GAPDHS: variants seen among roughly 807,000 people sequenced by gnomAD.
The protein encoded by GAPDHS is glyceraldehyde-3-phosphate dehydrogenase, spermatogenic.
A neutral mutation model predicts 48.7 loss-of-function variants in GAPDHS; 42 were observed. The ratio of observed to expected loss-of-function variants is 0.86; its 90% CI spans 0.67 to 1.12. GAPDHS has a LOEUF of 1.12. GAPDHS is among the 50% of genes most tolerant of loss of function. The pLI is 0.00. For missense variants in GAPDHS, 512 were observed against 557.7 expected (o/e 0.92, Z 0.82); for synonymous variants, 166 against 219.1 (o/e 0.76, Z 2.14).
rs375182770 is a variant in GAPDHS, at chr19:35,538,323, C to G, written c.262C>G (p.Arg88Gly). Residue 88 changes from arginine to glycine, a missense_variant, in exon 3 of 11, where the codon CGC becomes GGC. Arg to Gly is a moderately radical substitution (Grantham distance 125). Transcript: ENST00000222286. ...VGINGFGRIG[R>G]LVLRACMEKG... ...CCTGGCCAGATTTGGACGCATCGGT[C>G]GCCTGGTCCTGCGCGCCTGCATGGA... 6.2e-7 allele frequency: 1 copy of G among 1,613,200 alleles called. No homozygotes were observed. The highest frequency in any genetic ancestry group is 1.7e-5 in the Admixed American group (1 of 59,980).
chr19:35,542,908 C>T, intron 6 of GAPDHS, 37 bp from the exon 7 acceptor site: 1 of 1,534,706 alleles, frequency 6.5e-7, no homozygotes, highest in Non-Finnish European at 9.0e-7. Context: ...CTCTGCGACT[C>T]ACCTCACAGT....
At chr19:35,534,318 GC>G (rs1224714832) in intron 1 of GAPDHS, among the ~76,000 whole-genome samples, 1 of 152,184 alleles carries the variant, frequency 6.6e-6, no homozygotes, top group Non-Finnish European at 1.5e-5. Context: ...GGTAGGTGGG[GC>G]TGGGGCTTTG....
At position 35,538,676 on chromosome 19, in the gene GAPDHS, T is replaced by G; in HGVS notation, c.442T>G (p.Tyr148Asp). ...CGTGGACAACCATGAGATCTCTGTC[T>G]ACCAGTGGTAAGGAAAGCATCTGTC... is the stretch of plus-strand genomic sequence containing the variant. ...LVVDNHEISV[Y>D]QCKEPKQIPW... Residue 148 changes from tyrosine (Y) to aspartate (D), a missense_variant, in exon 4 of 11, where the codon TAC becomes GAC. Coordinates refer to ENST00000222286, the MANE Select transcript of GAPDHS (RefSeq NM_014364.5). 1 of 1,561,510 alleles carries G rather than the reference T, an allele frequency of 6.4e-7. No individual in the cohort carries two copies. Among genetic ancestry groups the G allele is most frequent in the Admixed American group, 1.7e-5 (1 of 59,956 alleles).
intron 1 of GAPDHS, among the ~76,000 whole-genome samples, chr19:35,535,011 A>G (rs557474288): frequency 2.7e-4 from 41 of 152,096 alleles, no homozygotes; most frequent in South Asian, 2.3e-3. Context: ...ATCAGCTCCT[A>G]TGTGTGGGCC....
chr19:35,542,828 C>G (rs1239500142), intron 6 of GAPDHS, 117 bp from the exon 7 acceptor site: 28 of 821,904 alleles, frequency 3.4e-5, no homozygotes, highest in Non-Finnish European at 4.6e-5. Context: ...ATCCCTCTCA[C>G]CCTCATCCTG....
chr19:35,538,607 G>T lies in GAPDHS; in HGVS notation c.373G>T (p.Gly125Cys), dbSNP rs202137889. The T allele has an allele frequency of 1.2e-6, 2 of 1,611,490 alleles. No individual in the cohort carries two copies. The highest frequency in any genetic ancestry group is 1.7e-6 in the Non-Finnish European group (2 of 1,177,812). Residue 125 changes from glycine to cysteine, a missense_variant, in exon 4 of 11, where the codon GGC becomes TGC. Transcript: ENST00000222286. Reference protein sequence around the residue: ...VYMFKYDSTHGRYKGSVEFRN... With the variant: ...VYMFKYDSTHCRYKGSVEFRN... ...CATGTTTAAGTATGACTCCACCCAC[G>T]GCCGATACAAGGGAAGTGTGGAATT...
In GAPDHS at chr19:35,533,526, C is replaced by T. The variant is rs780527406; in HGVS notation, c.-2C>T. On this transcript the variant is annotated 5_prime_UTR_variant, in exon 1 of 11. Coordinates refer to ENST00000222286, the MANE Select transcript of GAPDHS (RefSeq NM_014364.5). ...AGGCCAATGATAACCTTATAAGAGG[C>T]CATGTCGAAGCGCGACATCGTCCTC... The T allele has an allele frequency of 1.2e-6, 2 of 1,613,112 alleles. No individual in the cohort carries two copies. The highest frequency in any genetic ancestry group is 1.3e-5 in the African/African-American group (1 of 75,056).
chr19:35,544,676 G>A, intron 9 of GAPDHS: 5 of 577,098 alleles, frequency 8.7e-6, no homozygotes, highest in Non-Finnish European at 1.6e-5. Context: ...GGGATGTACT[G>A]GTACAGCATG....
At chr19:35,535,421 T>G (rs1316775953) in intron 1 of GAPDHS, among the ~76,000 whole-genome samples, 2 of 152,136 alleles carry the variant, frequency 1.3e-5, no homozygotes, top group African/African-American at 4.8e-5. Flanking sequence ...GTTTCGCTCT[T>G]GTTGCCCAGG....
Position 35,545,052 on chromosome 19 carries a change from G to A in GAPDHS, c.1154+46G>A, listed in dbSNP as rs200477799. 2.0e-5 allele frequency: 32 copies of A among 1,602,662 alleles called. No individual in the cohort carries two copies. The East Asian group carries it at 6.7e-4, about 34-fold the overall frequency. On this transcript the variant is annotated intron_variant, in intron 10 of 10. Transcript: ENST00000222286. ...GACTTAGAGGGAGGGGAACTAAGGGGTGGTCGGAAGGAACCCCCTTGAACC... is the reference window on the plus strand; with the variant it reads ...GACTTAGAGGGAGGGGAACTAAGGGATGGTCGGAAGGAACCCCCTTGAACC...
chr19:35,537,008 C>T lies in GAPDHS; in HGVS notation c.245+18C>T, dbSNP rs1244289615. 2.5e-6 allele frequency: 4 copies of T among 1,605,108 alleles called. No individual in the cohort carries two copies. The Admixed American group carries it at 5.0e-5, about 20-fold the overall frequency. ...ATCAATGGGTGAGTCTACTCCAGCC[C>T]CTGATCAGTCTGAAGCCTTAGAGCC... On this transcript the variant is annotated intron_variant, in intron 2 of 10. Transcript: ENST00000222286.
Position 35,534,872 on chromosome 19 carries a change from C to T in GAPDHS, c.67+1278C>T, listed in dbSNP as rs137890567. On this transcript the variant is annotated intron_variant, in intron 1 of 10. Transcript: ENST00000222286. ...GGCCCCCGGCTCCCAGCCCCACCAC[C>T]CCCCAGGTGCCTTTGATTTGGTGCC... Among the ~76,000 whole-genome samples, 83 of 151,974 alleles carry T rather than the reference C, an allele frequency of 5.5e-4. No individual in the cohort carries two copies. The East Asian group carries it at 0.016, about 28-fold the overall frequency.
rs149945299 is a variant in GAPDHS at position 35,543,012 on chromosome 19, G to A, written c.727G>A (p.Val243Met). Residue 243 changes from valine to methionine, a missense_variant, in exon 7 of 11, where the codon GTG (valine) becomes ATG (methionine). Physicochemically the swap from Val to Met is conservative, Grantham distance 21 (BLOSUM62 1). Transcript: ENST00000222286. ...AGTCATCCACGAGCGATTTGGGATC[G>A]TGGAAGGGTTGATGGTGAGTTGAGG... ...AKVIHERFGI[V>M]EGLMTTVHSY... The A allele has an allele frequency of 7.9e-5, 127 of 1,613,014 alleles. No homozygotes were observed. The African/African-American group carries it at 1.0e-3, about 13-fold the overall frequency.
intron 8 of GAPDHS, 31 bp downstream of exon 8, chr19:35,543,522 G>A (rs950322657): frequency 2.5e-6 from 4 of 1,587,648 alleles, no homozygotes; most frequent in Non-Finnish European, 3.4e-6. Flanking sequence ...AACCAGGGTG[G>A]GGGCATACGC....
At chr19:35,536,255 G>C (rs778116576) in intron 1 of GAPDHS, among the ~76,000 whole-genome samples, 14 of 152,092 alleles carry the variant, frequency 9.2e-5, no homozygotes, top group Admixed American at 3.9e-4. Context: ...CTGAGGCACA[G>C]AGAATGTCAC....
intron 4 of GAPDHS, among the ~76,000 whole-genome samples, chr19:35,540,080 C>A (rs545096440): frequency 6.6e-6 from 1 of 152,238 alleles, no homozygotes. Flanking sequence ...GGCAAGGAAC[C>A]AAACTTGCCT....
chr19:35,540,480 G>GT (rs1433612162), intron 4 of GAPDHS, among the ~76,000 whole-genome samples: 1 of 152,164 alleles, frequency 6.6e-6, no homozygotes, highest in Non-Finnish European at 1.5e-5. Context: ...GAAATGGGGG[G>GT]TATCTGAGAA....
At chr19:35,542,680 C>T in intron 6 of GAPDHS, 72 bp downstream of exon 6, 1 of 1,038,470 alleles carries the variant, frequency 9.6e-7, no homozygotes, top group East Asian at 2.4e-5. Flanking sequence ...CTCAGCCCCA[C>T]TGGATTCCTG....
intron 4 of GAPDHS, chr19:35,541,165 CAAAGA>C (rs1304022377): frequency 6.6e-6 from 1 of 151,100 alleles, no homozygotes; most frequent in Non-Finnish European, 1.5e-5. Flanking sequence ...CAAAACAAAA[CAAAGA>C]AAACCCATGA....
Sources: gnomAD v4.1 joint callset for allele counts (sites outside exome capture counted in the v4.1 genomes callset) on GRCh38, gnomAD v4.1.1 for gene constraint, MANE v1.5 for transcripts, NCBI Gene and HGNC (gene_info 2026-07-23, HGNC 2026-07-21) for gene names.